CHRM2: variants seen among roughly 807,000 people sequenced by gnomAD.
CHRM2 encodes cholinergic receptor muscarinic 2.
A neutral mutation model predicts 25.0 loss-of-function variants in CHRM2; 8 were observed. That is an observed-to-expected ratio of 0.32 (90% confidence interval 0.19 to 0.58). The LOEUF is 0.58. Among genes scored for constraint, CHRM2 ranks in the 20% least tolerant of loss-of-function variants. The pLI, the probability that CHRM2 is intolerant of heterozygous loss-of-function variation, is 0.88. For synonymous variants in CHRM2, 202 were observed against 205.7 expected (o/e 0.98, Z 0.15); for missense variants, 440 against 567.1 (o/e 0.78, Z 2.28).
chr7:136,962,095 A>T (rs577468237), intron 2 of CHRM2, among the ~76,000 whole-genome samples: 1 of 152,204 alleles, frequency 6.6e-6, no homozygotes, highest in East Asian at 1.9e-4. Flanking sequence ...ACATTTTCAT[A>T]ACTCTGCAGT....
At chr7:136,906,130 C>T (rs768812617) in intron 2 of CHRM2, among the ~76,000 whole-genome samples, 6 of 148,694 alleles carry the variant, frequency 4.0e-5, no homozygotes, top group Non-Finnish European at 7.4e-5. Context: ...TATATACACA[C>T]GTTTTGTGTG....
At chr7:136,929,594 A>G (rs780794732) in intron 2 of CHRM2, among the ~76,000 whole-genome samples, 2 of 152,044 alleles carry the variant, frequency 1.3e-5, no homozygotes, top group Non-Finnish European at 2.9e-5. Context: ...TTTCCCACAT[A>G]AGAGCTGTCA....
At chr7:136,965,009 C>T (rs924410050) in intron 2 of CHRM2, among the ~76,000 whole-genome samples, 2 of 152,066 alleles carry the variant, frequency 1.3e-5, no homozygotes, top group Admixed American at 6.6e-5. Flanking sequence ...AAGGCATGGA[C>T]ATTATACTTC....
chr7:136,977,438 G>C, intron 2 of CHRM2, among the ~76,000 whole-genome samples: 1 of 151,614 alleles, frequency 6.6e-6, no homozygotes, highest in Middle Eastern at 3.4e-3. Flanking sequence ...AAGGTCTTAC[G>C]ATAGACAGTG....
chr7:136,926,433 T>C (rs1015977386), intron 2 of CHRM2, among the ~76,000 whole-genome samples: 1 of 152,166 alleles, frequency 6.6e-6, no homozygotes, highest in Non-Finnish European at 1.5e-5. Flanking sequence ...GAAGAACTGA[T>C]CAATCTCTGT....
rs1171763213 is a variant in CHRM2 at position 136,961,119 on chromosome 7, CAT to C, written c.-124-31067_-124-31066del. 7.7e-4 allele frequency among the ~76,000 whole-genome samples: 116 copies of C among 151,496 alleles called. 2 individuals carry two copies. Among genetic ancestry groups the C allele is most frequent in the African/African-American group, 2.7e-3 (113 of 41,242 alleles). On this transcript the variant is annotated intron_variant, in intron 2 of 3. Coordinates refer to ENST00000680005, the MANE Select transcript of CHRM2 (RefSeq NM_001006630.2). ...CGGCCTGGACGACAGAGCTAGACTT[CAT>C]TAAAAAAAAAAATTAATTAAAAAAA...
intron 2 of CHRM2, among the ~76,000 whole-genome samples, chr7:136,886,973 C>T (rs1292393500): frequency 1.3e-5 from 2 of 152,222 alleles, no homozygotes; most frequent in Non-Finnish European, 2.9e-5. Flanking sequence ...ATGTCCACCA[C>T]TTCATCTTTC....
chr7:136,880,025 C>T (rs1413712724), intron 2 of CHRM2, among the ~76,000 whole-genome samples: 4 of 150,326 alleles, frequency 2.7e-5, no homozygotes, highest in Admixed American at 2.7e-4. Flanking sequence ...TGCAAGTTCC[C>T]GTGGTCCATT....
At chr7:136,910,838 A>G (rs1454621491) in intron 2 of CHRM2, among the ~76,000 whole-genome samples, 1 of 137,902 alleles carries the variant, frequency 7.3e-6, no homozygotes, top group Admixed American at 7.2e-5. Flanking sequence ...TGTGAGAGAG[A>G]GAGAGAAACT....
chr7:136,942,827 G>T (rs1799850731), intron 2 of CHRM2, among the ~76,000 whole-genome samples: 1 of 152,060 alleles, frequency 6.6e-6, no homozygotes, highest in African/African-American at 2.4e-5. Flanking sequence ...ATGCACAAGA[G>T]AATTTTTTTT....
chr7:137,013,583 A>G (rs952589098), intron 3 of CHRM2, among the ~76,000 whole-genome samples: 2 of 152,002 alleles, frequency 1.3e-5, no homozygotes, highest in Non-Finnish European at 2.9e-5. Context: ...GAAATGTGTC[A>G]TATCTCTTTG....
chr7:136,905,282 G>A (rs1307452914), intron 2 of CHRM2, among the ~76,000 whole-genome samples: 1 of 151,572 alleles, frequency 6.6e-6, no homozygotes, highest in African/African-American at 2.4e-5. Flanking sequence ...TTGTTGAAAA[G>A]GGCCAAGATA....
At chr7:136,940,295 G>A (rs1172756792) in intron 2 of CHRM2, among the ~76,000 whole-genome samples, 3 of 152,208 alleles carry the variant, frequency 2.0e-5, no homozygotes, top group Non-Finnish European at 2.9e-5. Context: ...ACAGCTGCCC[G>A]TATTTGAAGC....
chr7:136,932,953 C>G lies in CHRM2; in HGVS notation c.-124-59234C>G, dbSNP rs189640975. On this transcript the variant is annotated intron_variant, in intron 2 of 3. Transcript: ENST00000680005. ...GCTGAGGCAGGAGAATCACTTAAAC[C>G]TGGGAGGCAGAGGTTGCAGTGGGCC... Among the ~76,000 whole-genome samples the G allele has an allele frequency of 5.5e-3, 840 of 152,242 alleles. 5 individuals are homozygous for G. The highest frequency in any genetic ancestry group is 0.019 in the African/African-American group (798 of 41,526).
chr7:136,943,265 G>A (rs1342638388), intron 2 of CHRM2, among the ~76,000 whole-genome samples: 2 of 152,064 alleles, frequency 1.3e-5, no homozygotes, highest in African/African-American at 2.4e-5. Flanking sequence ...TCACCTCCTA[G>A]ACATGTTAGC....
chr7:136,990,763 G>A (rs781379646), intron 2 of CHRM2, among the ~76,000 whole-genome samples: 1 of 152,082 alleles, frequency 6.6e-6, no homozygotes, highest in Non-Finnish European at 1.5e-5. Context: ...GGATCTTATG[G>A]TAAGAGTATG....
At chr7:136,990,044 C>A (rs1048396542) in intron 2 of CHRM2, among the ~76,000 whole-genome samples, 3 of 152,112 alleles carry the variant, frequency 2.0e-5, no homozygotes, top group African/African-American at 7.2e-5. Context: ...TCTGCTGCAT[C>A]ATCATGATCA....
chr7:136,941,472 A>G (rs1799767410), intron 2 of CHRM2, among the ~76,000 whole-genome samples: 1 of 152,240 alleles, frequency 6.6e-6, no homozygotes, highest in Non-Finnish European at 1.5e-5. Flanking sequence ...TATAAACAAG[A>G]CATTCAAATC....
chr7:136,896,174 C>A (rs555078304), intron 2 of CHRM2, among the ~76,000 whole-genome samples: 4 of 152,022 alleles, frequency 2.6e-5, no homozygotes, highest in African/African-American at 7.2e-5. Flanking sequence ...CATTCATCTG[C>A]GCTCCAGTCT....
Sources: allele counts gnomAD v4.1 joint callset (sites outside exome capture counted in the v4.1 genomes callset), GRCh38; gene constraint gnomAD v4.1.1; transcripts MANE v1.5; gene names NCBI Gene and HGNC (gene_info 2026-07-23, HGNC 2026-07-21).